Variants in AGBL4 observed in about 807,000 individuals in gnomAD.
The protein encoded by AGBL4 is cytosolic carboxypeptidase 6.
Under a neutral mutation model 66.4 loss-of-function variants are expected in AGBL4, and 58 were observed. That is an observed-to-expected ratio of 0.87 (90% CI 0.71 to 1.09). The LOEUF is 1.09. Ranked by LOEUF, AGBL4 falls within the 50% of genes least tolerant of loss-of-function variation. The probability of loss-of-function intolerance (pLI) is 0.00; values close to 1 mark genes in which losing one functional copy is unlikely to be tolerated. For missense variants in AGBL4, 579 were observed against 631.0 expected, an observed-to-expected ratio of 0.92 and a Z score of 0.88; for synonymous variants, 234 against 222.9, an observed-to-expected ratio of 1.05 and a Z score of -0.44.
chr1:49,359,324 T>G (rs1644088787), intron 3 of AGBL4, among the ~76,000 whole-genome samples: 1 of 152,132 alleles, frequency 6.6e-6, no homozygotes, highest in Non-Finnish European at 1.5e-5. Flanking sequence ...CTTTCAAACC[T>G]TAGGTGCTTC....
At chr1:48,685,827 G>A (rs922788342) in intron 6 of AGBL4, among the ~76,000 whole-genome samples, 4 of 152,206 alleles carry the variant, frequency 2.6e-5, no homozygotes, top group African/African-American at 9.7e-5. Flanking sequence ...TGAAGTCAGA[G>A]CCAGTATCTC....
chr1:49,935,437 T>G (rs1007934932), intron 1 of AGBL4, among the ~76,000 whole-genome samples: 1 of 152,166 alleles, frequency 6.6e-6, no homozygotes, highest in South Asian at 2.1e-4. Context: ...AGCAGTAACC[T>G]CTGCAGACTT....
intron 3 of AGBL4, among the ~76,000 whole-genome samples, chr1:49,434,441 A>T (rs1264891910): frequency 2.0e-5 from 3 of 152,168 alleles, no homozygotes; most frequent in African/African-American, 7.2e-5. Context: ...AAGCCACTCA[A>T]ATGGGCCTTT....
intron 5 of AGBL4, among the ~76,000 whole-genome samples, chr1:49,011,813 T>C (rs967439782): frequency 2.2e-5 from 3 of 138,670 alleles, no homozygotes; most frequent in Non-Finnish European, 3.0e-5. Context: ...TTCTCACTCA[T>C]AGGTGGGAAT....
chr1:49,620,537 A>G (rs1645339574), intron 3 of AGBL4, among the ~76,000 whole-genome samples: 1 of 152,172 alleles, frequency 6.6e-6, no homozygotes, highest in African/African-American at 2.4e-5. Context: ...CAATTAGTTC[A>G]ACCACTGCGG....
chr1:48,571,167 A>G (rs552122132), intron 11 of AGBL4, among the ~76,000 whole-genome samples: 1 of 152,368 alleles, frequency 6.6e-6, no homozygotes, highest in South Asian at 2.1e-4. Context: ...CAGATAAGAT[A>G]TATGAAGTTC....
chr1:49,102,031 TAGAGAG>T (rs10674266), intron 4 of AGBL4, among the ~76,000 whole-genome samples: 1 of 145,752 alleles, frequency 6.9e-6, no homozygotes, highest in Non-Finnish European at 1.5e-5. Flanking sequence ...GGGAGAGAGA[TAGAGAG>T]AGAGAGAGAG....
intron 4 of AGBL4, among the ~76,000 whole-genome samples, chr1:49,198,813 T>C (rs962634390): frequency 1.3e-5 from 2 of 152,106 alleles, no homozygotes; most frequent in South Asian, 2.1e-4. Flanking sequence ...GGAATAAATA[T>C]AGTTCTAAGC....
intron 6 of AGBL4, chr1:48,761,407 A>G: frequency 6.4e-7 from 1 of 1,551,746 alleles, no homozygotes; most frequent in Non-Finnish European, 8.7e-7. Flanking sequence ...TACATGATTA[A>G]GAGAAAGCTT....
At chr1:49,554,372 C>A (rs1653230582) in intron 3 of AGBL4, among the ~76,000 whole-genome samples, 1 of 152,040 alleles carries the variant, frequency 6.6e-6, no homozygotes, top group Non-Finnish European at 1.5e-5. Context: ...AAAATGCAAA[C>A]ACATTTTTTT....
chr1:48,861,057 C>G (rs1221239534), intron 6 of AGBL4, among the ~76,000 whole-genome samples: 1 of 151,718 alleles, frequency 6.6e-6, no homozygotes, highest in East Asian at 1.9e-4. Flanking sequence ...AGAAATAAAA[C>G]AAGAACAGGT....
chr1:49,742,150 C>G (rs1234127265), intron 2 of AGBL4, among the ~76,000 whole-genome samples: 1 of 151,932 alleles, frequency 6.6e-6, no homozygotes, highest in African/African-American at 2.4e-5. Flanking sequence ...ATCTAGAAAA[C>G]CCCATTGTCT....
chr1:48,630,996 T>A (rs561329740), intron 9 of AGBL4, among the ~76,000 whole-genome samples: 2 of 152,292 alleles, frequency 1.3e-5, no homozygotes, highest in South Asian at 2.1e-4. Context: ...AATAACTGTC[T>A]GTAAATGTCT....
At chr1:49,063,183 G>T (rs1250993597) in intron 4 of AGBL4, among the ~76,000 whole-genome samples, 5 of 152,008 alleles carry the variant, frequency 3.3e-5, no homozygotes, top group Non-Finnish European at 4.4e-5. Flanking sequence ...CAATCTATTT[G>T]GGAAGTCTAT....
At chr1:49,284,714 G>T (rs1401370657) in intron 3 of AGBL4, among the ~76,000 whole-genome samples, 2 of 151,850 alleles carry the variant, frequency 1.3e-5, no homozygotes, top group African/African-American at 4.8e-5. Flanking sequence ...AAAGGCAGGG[G>T]TTGCAATCCT....
intron 6 of AGBL4, among the ~76,000 whole-genome samples, chr1:48,716,750 G>A (rs542212259): frequency 6.6e-6 from 1 of 152,180 alleles, no homozygotes; most frequent in Non-Finnish European, 1.5e-5. Flanking sequence ...TCAGTGGAAG[G>A]CTTGGGGCGA....
At position 48,677,031 on chromosome 1, in the gene AGBL4, G is replaced by A. The variant is rs542578751; in HGVS notation, c.635-13790C>T. Among the ~76,000 whole-genome samples, 31 of 152,322 alleles carry A rather than the reference G, an allele frequency of 2.0e-4. No homozygotes were observed. The South Asian group carries it at 4.6e-3, about 22-fold the overall frequency. On this transcript the variant is annotated intron_variant, in intron 6 of 13. Coordinates refer to ENST00000371839, the MANE Select transcript of AGBL4 (RefSeq NM_032785.4). Reference sequence around the variant, plus strand: ...TCTGTCATAAGAAGGGGCGGAGCTAGGTGGTCTCTCAGTCCCCTCCAGTTC... The same window carrying A: ...TCTGTCATAAGAAGGGGCGGAGCTAAGTGGTCTCTCAGTCCCCTCCAGTTC...
intron 3 of AGBL4, among the ~76,000 whole-genome samples, chr1:49,657,591 T>C (rs1363369478): frequency 6.6e-6 from 1 of 152,208 alleles, no homozygotes; most frequent in Non-Finnish European, 1.5e-5. Context: ...AGCATCATGC[T>C]ACCTGACTTC....
At chr1:49,540,421 A>G (rs1489765594) in intron 3 of AGBL4, among the ~76,000 whole-genome samples, 1 of 152,226 alleles carries the variant, frequency 6.6e-6, no homozygotes, top group African/African-American at 2.4e-5. Flanking sequence ...CAGTTACAGT[A>G]CTTGGCATTT....
Sources: gnomAD v4.1 joint callset for allele counts (sites outside exome capture counted in the v4.1 genomes callset) on GRCh38, gnomAD v4.1.1 for gene constraint, MANE v1.5 for transcripts, NCBI Gene and HGNC (gene_info 2026-07-23, HGNC 2026-07-21) for gene names.